The following CIC variants were observed in gnomAD, a reference collection of about 807,000 sequenced individuals.
The protein encoded by CIC is capicua transcriptional repressor, also known as protein capicua homolog.
CIC carries 18 observed loss-of-function variants against 115.7 expected under a neutral mutation model. The ratio of observed to expected loss-of-function variants is 0.16; its 90% CI spans 0.11 to 0.23. CIC has a LOEUF of 0.23. Among genes scored for constraint, CIC ranks in the 10% least tolerant of loss-of-function variants. CIC has a pLI of 1.00. For missense variants in CIC, 2,000 were observed against 2,159.3 expected (o/e 0.93, Z 1.46); for synonymous variants, 1,076 against 923.0 (o/e 1.17, Z -3.01).
At position 42,295,110 on chromosome 19, in the gene CIC, G is replaced by A. The variant is rs1363512650; in HGVS notation, c.7473G>A (p.Gly2491=). ...CACTGCCTCCACCCCCAGAGTCGGGGCCTGGACAGCCTGGCTGGGAGGGGG... is the reference window on the plus strand; with the variant it reads ...CACTGCCTCCACCCCCAGAGTCGGGACCTGGACAGCCTGGCTGGGAGGGGG... The part of the protein sequence containing the change: ...APPLPPPPES[G]PGQPGWEGAP... Residue 2491 remains glycine, a synonymous_variant, in exon 21 of 21, where the codon GGG becomes GGA. Coordinates refer to ENST00000681038, the MANE Select transcript of CIC (RefSeq NM_001386298.1). 2 of 1,520,824 alleles carry A rather than the reference G, an allele frequency of 1.3e-6. No individual in the cohort carries two copies. The highest frequency in any genetic ancestry group is 2.4e-5 in the South Asian group (2 of 81,730). 94.2% of individuals were successfully genotyped at this position (1,520,824 alleles called of 1,614,324 possible).
rs764927941 is a variant in CIC at position 42,290,846 on chromosome 19, C to T, written c.4805C>T (p.Thr1602Ile). Reference protein sequence around the residue: ...PVPIASKPFPTSGRAEASPND... With the variant: ...PVPIASKPFPISGRAEASPND... Reference sequence around the variant, plus strand: ...CCCATCGCCTCTAAGCCCTTCCCCACCTCTGGCCGGGCTGAGGCGTCTCCA... The same window carrying T: ...CCCATCGCCTCTAAGCCCTTCCCCATCTCTGGCCGGGCTGAGGCGTCTCCA... The change falls in exon 11 of 21, where the codon ACC becomes ATC. Residue 1602 changes from threonine to isoleucine, a missense_variant. Physicochemically the swap from Thr to Ile is moderately conservative, Grantham distance 89. Around this residue, in one of 8 missense-constraint regions of CIC, gnomAD observed 1,466 missense variants for 1,390.4 expected, o/e 1.05. Transcript: ENST00000681038. 8.7e-6 allele frequency: 14 copies of T among 1,610,826 alleles called. No individual in the cohort carries two copies. The South Asian group carries it at 1.5e-4, about 18-fold the overall frequency.
rs539878308 is a variant in CIC, at chr19:42,287,515, C to T, written c.3310-30C>T. 3.1e-6 allele frequency: 5 copies of T among 1,612,622 alleles called. No homozygotes were observed. The highest frequency in any genetic ancestry group is 2.2e-5 in the East Asian group (1 of 44,884). On this transcript the variant is annotated intron_variant, in intron 5 of 20. Coordinates refer to ENST00000681038, the MANE Select transcript of CIC (RefSeq NM_001386298.1). This position sits in a 1 kb window ranked among gnomAD's most constrained non-coding sequence, Gnocchi z 8.7. ...CCCACACCTGTCTGCCAGGTCCTAA[C>T]TGTCCCGCTCTGGGCTGTGTTTAAT...
intron 18 of CIC, 25 bp from the exon 19 acceptor site, chr19:42,294,148 A>G: frequency 1.2e-6 from 2 of 1,613,882 alleles, no homozygotes; most frequent in Non-Finnish European, 1.7e-6. Flanking sequence ...GGCCACCTGC[A>G]CTGAGTCTGC....
At chr19:42,276,887 G>A (rs1444812422) in intron 2 of CIC, among the ~76,000 whole-genome samples, 1 of 152,122 alleles carries the variant, frequency 6.6e-6, no homozygotes, top group African/African-American at 2.4e-5. Flanking sequence ...GGCCCAGCAG[G>A]GCTCTTGTTA....
In CIC at chr19:42,286,991, CCT is replaced by C. The variant is rs1157749879; in HGVS notation, c.2945-12_2945-11del. On this transcript the variant is annotated splice_polypyrimidine_tract_variant and intron_variant, in intron 3 of 20. Transcript: ENST00000681038. ...GGTGGCCTAGGAGCCCTCTGATCTACCTCTGTGTCCCCAGAACCTGCTGAGTC... is the reference window on the plus strand; with the variant it reads ...GGTGGCCTAGGAGCCCTCTGATCTACCTGTGTCCCCAGAACCTGCTGAGTC... The C allele has an allele frequency of 6.2e-7, 1 of 1,608,726 alleles. No individual in the cohort carries two copies. The highest frequency in any genetic ancestry group is 2.2e-5 in the East Asian group (1 of 44,882).
chr19:42,286,875 G>T lies in CIC; in HGVS notation c.2899G>T (p.Ala967Ser). The change falls in exon 3 of 21, where the codon GCC (alanine) becomes TCC (serine). Residue 967 changes from alanine to serine, a missense_variant. Ala to Ser is a moderately conservative substitution (Grantham distance 99). Around this residue, in one of 8 missense-constraint regions of CIC, gnomAD observed 222 missense variants for 247.7 expected, o/e 0.90. Coordinates refer to ENST00000681038, the MANE Select transcript of CIC (RefSeq NM_001386298.1). ...TGACCCCTCCGTGCAGCCGAGCGAG[G>T]CCCAGCAACCTGCCAGCCACCCAGT... ...QPDPSVQPSE[A>S]QQPASHPVAS... 1.2e-6 allele frequency: 2 copies of T among 1,612,872 alleles called. No individual in the cohort carries two copies. The highest frequency in any genetic ancestry group is 8.5e-7 in the Non-Finnish European group (1 of 1,179,772).
rs2147359932 is a variant in CIC at position 42,295,099 on chromosome 19, CCA to C, written c.7463_7464del (p.Pro2488ArgfsTer34). The C allele has an allele frequency of 6.5e-7, 1 of 1,527,170 alleles. No individual in the cohort carries two copies. The highest frequency in any genetic ancestry group is 8.8e-7 in the Non-Finnish European group (1 of 1,142,524). 94.6% of individuals were successfully genotyped at this position (1,527,170 alleles called of 1,614,324 possible). On this transcript the variant is annotated frameshift_variant, in exon 21 of 21. Transcript: ENST00000681038. LOFTEE classifies it high-confidence loss of function. ...GGCTGCCCCGCCACTGCCTCCACCC[CCA>C]GAGTCGGGGCCTGGACAGCCTGGCT... ...AQAAPPLPPP[P>X]ESGPGQPGWE...
chr19:42,294,882 T>C lies in CIC; in HGVS notation c.7245T>C (p.Cys2415=). 5 of 1,600,772 alleles carry C rather than the reference T, an allele frequency of 3.1e-6. No individual in the cohort carries two copies. The highest frequency in any genetic ancestry group is 4.2e-6 in the Non-Finnish European group (5 of 1,179,958). Residue 2415 remains cysteine (C), a synonymous_variant, in exon 21 of 21, where the codon TGT becomes TGC. Transcript: ENST00000681038. ...CAGACATCTTTCCCTCCAAGGTTTG[T>C]CTGCAGTTGAAGATCCGTGAGGTGC... ...RYADIFPSKV[C]LQLKIREVRQ...
chr19:42,290,838 C>G lies in CIC; in HGVS notation c.4797C>G (p.Pro1599=). Residue 1599 remains proline, a synonymous_variant, in exon 11 of 21, where the codon CCC becomes CCG. Transcript: ENST00000681038. ...CTCCTGTGCCCATCGCCTCTAAGCC[C>G]TTCCCCACCTCTGGCCGGGCTGAGG... ...SSTPVPIASK[P]FPTSGRAEAS... is the part of the protein sequence containing the mutation. 6.2e-7 allele frequency: 1 copy of G among 1,610,150 alleles called. No homozygotes were observed. The highest frequency in any genetic ancestry group is 8.5e-7 in the Non-Finnish European group (1 of 1,178,568).
intron 2 of CIC, among the ~76,000 whole-genome samples, chr19:42,281,600 G>T (rs1471351831): frequency 6.6e-6 from 1 of 152,152 alleles, no homozygotes; most frequent in African/African-American, 2.4e-5. Context: ...GCTGTCTAGG[G>T]ATAGGACCTG....
chr19:42,294,125 G>A (rs756462738), intron 18 of CIC, 36 bp downstream of exon 18: 2 of 1,613,632 alleles, frequency 1.2e-6, no homozygotes, highest in African/African-American at 2.7e-5. Flanking sequence ...TCCTTAGGTG[G>A]AGGGCAGACT....
At chr19:42,276,551 G>A (rs574879086) in intron 2 of CIC, among the ~76,000 whole-genome samples, 17 of 152,300 alleles carry the variant, frequency 1.1e-4, no homozygotes, top group African/African-American at 2.6e-4. Context: ...GGCCAGTCCC[G>A]AGGGACAGGG....
intron 1 of CIC, among the ~76,000 whole-genome samples, chr19:42,271,178 T>C (rs1252078092): frequency 1.3e-5 from 2 of 152,204 alleles, no homozygotes; most frequent in African/African-American, 4.8e-5. Flanking sequence ...GCATGTACTC[T>C]CTGCATGGTG....
intron 13 of CIC, 33 bp from the exon 14 acceptor site, chr19:42,292,267 C>T (rs202086715): frequency 1.2e-6 from 2 of 1,613,626 alleles, no homozygotes; most frequent in East Asian, 2.2e-5. Flanking sequence ...GGCCGGCTTA[C>T]CTCACTCCTC....
intron 2 of CIC, among the ~76,000 whole-genome samples, chr19:42,278,827 C>G (rs1284647392): frequency 6.6e-6 from 1 of 152,236 alleles, no homozygotes; most frequent in Non-Finnish European, 1.5e-5. Context: ...CTGCCTACTA[C>G]TGTCCCTGAA....
chr19:42,268,813 G>A (rs1219157019), upstream of CIC, among the ~76,000 whole-genome samples: 1 of 152,170 alleles, frequency 6.6e-6, no homozygotes, highest in Non-Finnish European at 1.5e-5. Context: ...ACAAACGTTC[G>A]GGCCACGCCT....
Position 42,287,918 on chromosome 19 carries a change from C to G in CIC, c.3601C>G (p.His1201Asp), listed in dbSNP as rs761127670. ...CACGAGCCTGGGGCTGGCAGGAGGG[C>G]ACAAGGAGACGCGGGAGCGGAGCAT... ...KPTSLGLAGG[H>D]KETRERSMSE... The change falls in exon 7 of 21, where the codon CAC (histidine) becomes GAC (aspartate). Residue 1201 changes from histidine to aspartate, a missense_variant. Around this residue, in one of 8 missense-constraint regions of CIC, gnomAD observed 38 missense variants for 50.3 expected, o/e 0.76. Transcript: ENST00000681038. The surrounding 1 kb of genome is among the most constrained non-coding windows in gnomAD (Gnocchi z 8.7). 2 of 1,608,944 alleles carry G rather than the reference C, an allele frequency of 1.2e-6. No homozygotes were observed. Among genetic ancestry groups the G allele is most frequent in the East Asian group, 4.5e-5 (2 of 44,756 alleles).
Position 42,294,261 on chromosome 19 carries a change from G to A in CIC, c.7011G>A (p.Lys2337=). ...GCAGCTCGGAGCCCAACACCCCCAAGAGTGCCAAGTGCGAGGGGGACATCT... is the reference window on the plus strand; with the variant it reads ...GCAGCTCGGAGCCCAACACCCCCAAAAGTGCCAAGTGCGAGGGGGACATCT... ...SSCSSEPNTP[K]SAKCEGDIFT... The change falls in exon 19 of 21, where the codon AAG becomes AAA. Residue 2337 remains lysine (K), a synonymous_variant. Coordinates refer to ENST00000681038, the MANE Select transcript of CIC (RefSeq NM_001386298.1). 6.2e-7 allele frequency: 1 copy of A among 1,613,772 alleles called. No homozygotes were observed.
chr19:42,291,188 C>T lies in CIC; in HGVS notation c.5147C>T (p.Pro1716Leu), dbSNP rs1273342970. Residue 1716 changes from proline (P) to leucine (L), a missense_variant, in exon 11 of 21, where the codon CCC becomes CTC. This residue lies in a region of CIC where 1,466 missense variants were observed against 1,390.4 expected (regional missense o/e 1.05). Transcript: ENST00000681038. ...GGGAGTGGCCCCAATGGGCCAGTAC[C>T]CCTGGGCATCCTGCAACCAGGTGCC... ...GAGSGPNGPVPLGILQPGALG... is the reference protein window; with the variant it reads ...GAGSGPNGPVLLGILQPGALG... 1.2e-6 allele frequency: 2 copies of T among 1,609,860 alleles called. No homozygotes were observed. The highest frequency in any genetic ancestry group is 1.7e-6 in the Non-Finnish European group (2 of 1,178,200).
Sources: gnomAD v4.1 joint callset for allele counts (sites outside exome capture counted in the v4.1 genomes callset) on GRCh38, gnomAD v4.1.1 for gene constraint, gnomAD v4.1.1 regional missense constraint, Gnocchi (gnomAD v3.1) non-coding constraint, MANE v1.5 for transcripts, NCBI Gene and HGNC (gene_info 2026-07-23, HGNC 2026-07-21) for gene names.